The following RABAC1 variants were observed in gnomAD, a reference collection of about 807,000 sequenced individuals.
The protein encoded by RABAC1 is Rab acceptor 1.
RABAC1 carries 16 observed loss-of-function variants against 22.9 expected under a neutral mutation model. The observed-to-expected ratio is 0.70, with a 90% confidence interval of 0.47 to 1.06. The LOEUF (loss-of-function observed/expected upper bound fraction) is 1.06, where lower values mean the gene tolerates loss of function less well. Ranked by LOEUF, RABAC1 falls within the 50% of genes least tolerant of loss-of-function variation. RABAC1 has a pLI of 0.00. For synonymous variants in RABAC1, 139 were observed against 107.7 expected, an observed-to-expected ratio of 1.29 and a Z score of -1.80; for missense variants, 227 against 246.5, an observed-to-expected ratio of 0.92 and a Z score of 0.53.
At chr19:41,959,114 C>T in intron 1 of RABAC1, 123 bp downstream of exon 1, 1 of 1,429,006 alleles carries the variant, frequency 7.0e-7, no homozygotes, top group Non-Finnish European at 9.5e-7. Context: ...TTAGAGGAGA[C>T]CGGGGCCAAC....
rs782795698 is a variant in RABAC1, at chr19:41,956,798, A to G, written c.*48T>C. 3.9e-6 allele frequency: 6 copies of G among 1,531,326 alleles called. No homozygotes were observed. Among genetic ancestry groups the G allele is most frequent in the East Asian group, 2.3e-5 (1 of 43,796 alleles). 94.9% of individuals were successfully genotyped at this position (1,531,326 alleles called of 1,614,324 possible). A position where few individuals can be genotyped will look rare whatever the true frequency, so the allele number is the denominator to read the frequency against. ...AGAGCCGTGCAGGACAGGCATGGGC[A>G]GGGGTGGGGCAGCTGGCCCGGGAGG... is the stretch of plus-strand genomic sequence containing the variant. On this transcript the variant is annotated 3_prime_UTR_variant, in exon 5 of 5. Transcript: ENST00000222008.
Position 41,958,967 on chromosome 19 carries a change from G to A in RABAC1, c.57-19C>T, listed in dbSNP as rs1555857286. ...CAGGGTCCTGCGGGGGGTGGGGCCG[G>A]GTCAGTGGTGGACCGGGATGGAGCC... On this transcript the variant is annotated intron_variant, in intron 1 of 4. Coordinates refer to ENST00000222008, the MANE Select transcript of RABAC1 (RefSeq NM_006423.3). 6.5e-7 allele frequency: 1 copy of A among 1,544,476 alleles called. No homozygotes were observed. Among genetic ancestry groups the A allele is most frequent in the Admixed American group, 1.9e-5 (1 of 51,656 alleles).
At position 41,956,946 on chromosome 19, in the gene RABAC1, C is replaced by G; in HGVS notation, c.470-12G>C. ...CACCAGGGTGGCTCCTGCAGGAAAGCCGGCAGCTCAGGGCCACACTCCTGC... is the reference window on the plus strand; with the variant it reads ...CACCAGGGTGGCTCCTGCAGGAAAGGCGGCAGCTCAGGGCCACACTCCTGC... On this transcript the variant is annotated splice_polypyrimidine_tract_variant and intron_variant, in intron 4 of 4. Transcript: ENST00000222008. 6.2e-7 allele frequency: 1 copy of G among 1,612,062 alleles called. No individual in the cohort carries two copies. Among genetic ancestry groups the G allele is most frequent in the South Asian group, 1.1e-5 (1 of 91,018 alleles).
chr19:41,958,614 TG>T lies in RABAC1; in HGVS notation c.269+121del. ...ATCCTTGGGGGCGGGGCCTGGGCGG[TG>T]AGAAGAGGGCCCTGGGCGGTGAGAG... On this transcript the variant is annotated intron_variant, in intron 2 of 4. Coordinates refer to ENST00000222008, the MANE Select transcript of RABAC1 (RefSeq NM_006423.3). 2.6e-6 allele frequency: 3 copies of T among 1,139,198 alleles called. No individual in the cohort carries two copies. In the South Asian group the frequency reaches 4.5e-5, roughly 17 times the overall value. The allele number at this position is 1,139,198 out of a possible 1,614,324, so 70.6% of individuals were successfully genotyped here. A position where few individuals can be genotyped will look rare whatever the true frequency, so the allele number is the denominator to read the frequency against.
chr19:41,958,101 G>A lies in RABAC1; in HGVS notation c.367+185C>T. ...AGGAATAGCAATTTGAGGGGGCTGA[G>A]ACTCGATGGAAGGATCGGTTGTGTC... On this transcript the variant is annotated intron_variant, in intron 3 of 4. Transcript: ENST00000222008. The A allele has an allele frequency of 2.0e-5, 12 of 590,752 alleles. No homozygotes were observed. The South Asian group carries it at 2.4e-4, about 12-fold the overall frequency. The allele number at this position is 590,752 out of a possible 1,614,324, so 36.6% of individuals were successfully genotyped here.
Position 41,957,079 on chromosome 19 carries a change from T to C in RABAC1, c.408A>G (p.Gly136=). The C allele has an allele frequency of 1.9e-6, 3 of 1,613,756 alleles. No individual in the cohort carries two copies. The highest frequency in any genetic ancestry group is 2.5e-6 in the Non-Finnish European group (3 of 1,179,998). ...GCCAGAAGAAGGGGAAGGAGATGCC[T>C]CCAGCCAGAGCATACTGATGCGCTG... ...VSPAHQYALA[G]GISFPFFWLA... Residue 136 remains glycine (G), a synonymous_variant, in exon 4 of 5, where the codon GGA becomes GGG. Transcript: ENST00000222008.
Position 41,959,226 on chromosome 19 carries a change from A to G in RABAC1, c.56+11T>C. 11 of 1,613,390 alleles carry G rather than the reference A, an allele frequency of 6.8e-6. No individual in the cohort carries two copies. The highest frequency in any genetic ancestry group is 9.3e-6 in the Non-Finnish European group (11 of 1,179,906). On this transcript the variant is annotated intron_variant, in intron 1 of 4. Coordinates refer to ENST00000222008, the MANE Select transcript of RABAC1 (RefSeq NM_006423.3). ...GTCTCTGGTCCGAGGGCCTAGAGCC[A>G]GCTCGCTCACGTGCCGCTCAGCCCT...
chr19:41,956,742 G>A lies in RABAC1; in HGVS notation c.*104C>T, dbSNP rs558420033. The stretch of plus-strand genomic sequence containing the variant: ...AAAGGCGGGATCCCTCCCCGGGCTT[G>A]TGATGGGACGGCGCTGTGGGCCCGA... On this transcript the variant is annotated 3_prime_UTR_variant, in exon 5 of 5. Transcript: ENST00000222008. 52 of 1,061,074 alleles carry A rather than the reference G, an allele frequency of 4.9e-5. No individual in the cohort carries two copies. In the African/African-American group the frequency reaches 8.0e-4, roughly 16 times the overall value. The allele number at this position is 1,061,074 out of a possible 1,614,324, so 65.7% of individuals were successfully genotyped here.
In RABAC1 at chr19:41,958,794, C is replaced by T. The variant is rs782175848; in HGVS notation, c.211G>A (p.Val71Met). Residue 71 changes from valine to methionine, a missense_variant, in exon 2 of 5, where the codon GTG becomes ATG. Physicochemically the swap from Val to Met is conservative, Grantham distance 21. Transcript: ENST00000222008. Reference sequence around the variant, plus strand: ...ACATAGTTGCTCTGGTAGTACTCCACGTTGCGTACGAGGCGCTGGCACAGC... The same window carrying T: ...ACATAGTTGCTCTGGTAGTACTCCATGTTGCGTACGAGGCGCTGGCACAGC... Reference protein sequence around the residue: ...GELCQRLVRNVEYYQSNYVFV... With the variant: ...GELCQRLVRNMEYYQSNYVFV... The T allele has an allele frequency of 2.5e-6, 4 of 1,612,454 alleles. No individual in the cohort carries two copies. In the African/African-American group the frequency reaches 4.0e-5, roughly 16 times the overall value.
At chr19:41,959,148 C>A in intron 1 of RABAC1, 89 bp downstream of exon 1, 2 of 1,561,786 alleles carry the variant, frequency 1.3e-6, no homozygotes, top group Non-Finnish European at 8.7e-7. Flanking sequence ...GGGGCTGGGA[C>A]TCCAGGCTCT....
rs1555857049 is a variant in RABAC1 at position 41,958,662 on chromosome 19, CG to C, written c.269+73del. The C allele has an allele frequency of 2.7e-6, 4 of 1,481,224 alleles. No homozygotes were observed. The Admixed American group carries it at 7.9e-5, about 29-fold the overall frequency. The allele number at this position is 1,481,224 out of a possible 1,614,324, so 91.8% of individuals were successfully genotyped here. A position where few individuals can be genotyped will look rare whatever the true frequency, so the allele number is the denominator to read the frequency against. On this transcript the variant is annotated intron_variant, in intron 2 of 4. Transcript: ENST00000222008. ...AGAGGAGGGACCGGGCGGTGAAGGGCGGGGCCTGAGCGGCGAGAGGAGGGGT... is the reference window on the plus strand; with the variant it reads ...AGAGGAGGGACCGGGCGGTGAAGGGCGGGCCTGAGCGGCGAGAGGAGGGGT...
rs573224356 is a variant in RABAC1, at chr19:41,956,917, T to C, written c.487A>G (p.Ile163Val). 1.2e-5 allele frequency: 19 copies of C among 1,612,740 alleles called. No individual in the cohort carries two copies. The highest frequency in any genetic ancestry group is 1.7e-5 in the Admixed American group (1 of 59,950). Residue 163 changes from isoleucine (I) to valine (V), a missense_variant, in exon 5 of 5, where the codon ATC (isoleucine) becomes GTC (valine). Coordinates refer to ENST00000222008, the MANE Select transcript of RABAC1 (RefSeq NM_006423.3). Reference protein sequence around the residue: ...FWVLGATLVVIGSHAAFHQIE... With the variant: ...FWVLGATLVVVGSHAAFHQIE... ...TGGTGGAAGGCAGCGTGGGAGCCGA[T>C]GACCACCAGGGTGGCTCCTGCAGGA...
chr19:41,959,149 T>A, intron 1 of RABAC1, 88 bp downstream of exon 1: 2 of 1,563,422 alleles, frequency 1.3e-6, no homozygotes, highest in East Asian at 2.3e-5. Flanking sequence ...GGGCTGGGAC[T>A]CCAGGCTCTC....
intron 3 of RABAC1, chr19:41,957,649 C>T (rs2074996042): frequency 6.3e-6 from 1 of 158,340 alleles, no homozygotes; most frequent in African/African-American, 2.4e-5. Flanking sequence ...TCAGGCACTC[C>T]CTCCACCCCA....
rs372885718 is a variant in RABAC1 at position 41,957,034 on chromosome 19, G to A, written c.453C>T (p.Ala151=). The A allele has an allele frequency of 9.3e-6, 15 of 1,613,578 alleles. No individual in the cohort carries two copies. Among genetic ancestry groups the A allele is most frequent in the East Asian group, 2.2e-5 (1 of 44,888 alleles). The part of the protein sequence containing the change: ...PFFWLAGAGS[A]VFWVLGATLV... The stretch of plus-strand genomic sequence containing the variant: ...TGTACTCACCCAGCACCCAGAAGAC[G>A]GCCGAGCCCGCACCAGCCAGCCAGA... Residue 151 remains alanine (A), a synonymous_variant, in exon 4 of 5, where the codon GCC becomes GCT. Coordinates refer to ENST00000222008, the MANE Select transcript of RABAC1 (RefSeq NM_006423.3).
intron 2 of RABAC1, 71 bp from the exon 3 acceptor site, chr19:41,958,454 T>G: frequency 7.0e-7 from 1 of 1,438,608 alleles, no homozygotes; most frequent in Non-Finnish European, 9.6e-7. Context: ...CCTGGCCTTC[T>G]CCACCGGCGG....
At position 41,958,440 on chromosome 19, in the gene RABAC1, C is replaced by T. The variant is rs1475291255; in HGVS notation, c.270-57G>A. The T allele has an allele frequency of 6.7e-6, 10 of 1,501,004 alleles. No individual in the cohort carries two copies. The Admixed American group carries it at 1.5e-4, about 22-fold the overall frequency. 93.0% of individuals were successfully genotyped at this position (1,501,004 alleles called of 1,614,324 possible). A position where few individuals can be genotyped will look rare whatever the true frequency, so the allele number is the denominator to read the frequency against. On this transcript the variant is annotated intron_variant, in intron 2 of 4. Transcript: ENST00000222008. ...GACAGCTGGGGCTGGGCCAGCCCGA[C>T]GGCCCTGGCCTTCTCCACCGGCGGG...
chr19:41,956,796 G>T lies in RABAC1; in HGVS notation c.*50C>A. On this transcript the variant is annotated 3_prime_UTR_variant, in exon 5 of 5. Coordinates refer to ENST00000222008, the MANE Select transcript of RABAC1 (RefSeq NM_006423.3). ...GCAGAGCCGTGCAGGACAGGCATGG[G>T]CAGGGGTGGGGCAGCTGGCCCGGGA... The T allele has an allele frequency of 6.6e-7, 1 of 1,526,010 alleles. No individual in the cohort carries two copies. The highest frequency in any genetic ancestry group is 8.9e-7 in the Non-Finnish European group (1 of 1,118,598). 94.5% of individuals were successfully genotyped at this position (1,526,010 alleles called of 1,614,324 possible).
In RABAC1 at chr19:41,958,683, A is replaced by G. The variant is rs530794469; in HGVS notation, c.269+53T>C. 3.2e-6 allele frequency: 5 copies of G among 1,552,226 alleles called. No individual in the cohort carries two copies. In the African/African-American group the frequency reaches 6.8e-5, roughly 21 times the overall value. ...AGGGCGGGGCCTGAGCGGCGAGAGGAGGGGTCCAGCCGGTCGGGGCTAGTG... is the reference window on the plus strand; with the variant it reads ...AGGGCGGGGCCTGAGCGGCGAGAGGGGGGGTCCAGCCGGTCGGGGCTAGTG... On this transcript the variant is annotated intron_variant, in intron 2 of 4. Coordinates refer to ENST00000222008, the MANE Select transcript of RABAC1 (RefSeq NM_006423.3).
Sources: gnomAD v4.1 joint callset for allele counts on GRCh38, gnomAD v4.1.1 for gene constraint, MANE v1.5 for transcripts, NCBI Gene and HGNC (gene_info 2026-07-23, HGNC 2026-07-21) for gene names.